The following CEP83 variants were observed in gnomAD, a reference collection of about 807,000 sequenced individuals.
The protein encoded by CEP83 is centrosomal protein 83, also known as centrosomal protein of 83 kDa.
Under a neutral mutation model 101.9 loss-of-function variants are expected in CEP83, and 70 were observed. The ratio of observed to expected loss-of-function variants is 0.69; its 90% CI spans 0.57 to 0.84. The LOEUF is 0.84. CEP83 is among the 40% of genes least tolerant of loss of function. The pLI, the probability that CEP83 is intolerant of heterozygous loss-of-function variation, is 0.00. For synonymous variants in CEP83, 264 were observed against 267.9 expected (o/e 0.99, Z 0.14); for missense variants, 715 against 787.2 (o/e 0.91, Z 1.10).
chr12:94,270,599 C>T, the CEP83 span, among the ~76,000 whole-genome samples: 1 of 152,136 alleles, frequency 6.6e-6, no homozygotes, highest in East Asian at 1.9e-4. Context: ...CCCCCACCCC[C>T]AACCCTGCAC....
At chr12:94,418,242 G>A (rs1017841303) in intron 2 of CEP83, among the ~76,000 whole-genome samples, 8 of 151,804 alleles carry the variant, frequency 5.3e-5, no homozygotes, top group Admixed American at 3.9e-4. Context: ...TGCGCCTGTA[G>A]TCCAGCTACT....
intron 11 of CEP83, among the ~76,000 whole-genome samples, chr12:94,352,774 G>A (rs767374448): frequency 6.6e-6 from 1 of 152,092 alleles, no homozygotes; most frequent in Non-Finnish European, 1.5e-5. Context: ...ATTAAGACAG[G>A]TCTTTTAAAA....
chr12:94,443,595 T>C (rs2066582226), intron 1 of CEP83, among the ~76,000 whole-genome samples: 1 of 151,984 alleles, frequency 6.6e-6, no homozygotes, highest in Admixed American at 6.6e-5. Flanking sequence ...CGGGTTCAAG[T>C]GATTCTCCTG....
chr12:94,396,280 CTTTTTTTTTT>C (rs776434390), intron 6 of CEP83, among the ~76,000 whole-genome samples: 9 of 90,944 alleles, frequency 9.9e-5, no homozygotes, highest in African/African-American at 3.2e-4. Flanking sequence ...AAAAGCATGA[CTTTTTTTTTT>C]TTTTTTTTTT....
In CEP83 at chr12:94,405,439, TG is replaced by T. The variant is rs748987389; in HGVS notation, c.325-2178del. 7.9e-5 allele frequency among the ~76,000 whole-genome samples: 12 copies of T among 152,094 alleles called. No individual in the cohort carries two copies. In the East Asian group the frequency reaches 9.6e-4, roughly 12 times the overall value. ...CATTGAGGAAAAAAGTGGAAGTGGG[TG>T]GGAGAAAGTAGTAGATAAAACAAGC... On this transcript the variant is annotated intron_variant, in intron 4 of 16. Coordinates refer to ENST00000397809, the MANE Select transcript of CEP83 (RefSeq NM_016122.3).
Position 94,331,911 on chromosome 12 carries a change from T to G in CEP83, c.1578-82A>C. The G allele has an allele frequency of 2.4e-6, 3 of 1,254,458 alleles. No homozygotes were observed. In the Admixed American group the frequency reaches 5.4e-5, roughly 23 times the overall value. The allele number at this position is 1,254,458 out of a possible 1,614,324, so 77.7% of individuals were successfully genotyped here. On this transcript the variant is annotated intron_variant, in intron 13 of 16. Coordinates refer to ENST00000397809, the MANE Select transcript of CEP83 (RefSeq NM_016122.3). ...GATATTATCACAAGTATAAGCAAACTCACTACCTGTCTGACCACATTCTTA... is the reference window on the plus strand; with the variant it reads ...GATATTATCACAAGTATAAGCAAACGCACTACCTGTCTGACCACATTCTTA...
In CEP83 at chr12:94,385,890, T is replaced by C. The variant is rs552345807; in HGVS notation, c.550-6848A>G. 6.6e-5 allele frequency among the ~76,000 whole-genome samples: 10 copies of C among 152,322 alleles called. No individual in the cohort carries two copies. In the East Asian group the frequency reaches 1.7e-3, roughly 26 times the overall value. ...TTTAAACCTTTTCTATGTTTAGATA[T>C]GTTTAGGTACACAAATATTAACCAT... On this transcript the variant is annotated intron_variant, in intron 6 of 16. Transcript: ENST00000397809.
chr12:94,453,962 T>C (rs1243295350), intron 1 of CEP83, among the ~76,000 whole-genome samples: 1 of 152,096 alleles, frequency 6.6e-6, no homozygotes, highest in African/African-American at 2.4e-5. Flanking sequence ...CTGGGCATGG[T>C]TGCATGTGCC....
At chr12:94,315,694 ATTTT>A (rs554045286) in intron 14 of CEP83, among the ~76,000 whole-genome samples, 2 of 144,824 alleles carry the variant, frequency 1.4e-5, no homozygotes, top group African/African-American at 5.0e-5. Flanking sequence ...TAGAAGCTTT[ATTTT>A]TTTTTTTTAC....
At chr12:94,423,883 C>T in intron 2 of CEP83, 1 of 1,612,230 alleles carries the variant, frequency 6.2e-7, no homozygotes, top group South Asian at 1.1e-5. Context: ...AAGCTCCTTG[C>T]ATAGCTGCAG....
chr12:94,412,835 C>A (rs1435078405), intron 2 of CEP83, among the ~76,000 whole-genome samples: 1 of 151,112 alleles, frequency 6.6e-6, no homozygotes, highest in Admixed American at 6.6e-5. Flanking sequence ...ATTACAGGCG[C>A]CTGCCACCAT....
chr12:94,337,208 C>G (rs2059486558), intron 11 of CEP83, among the ~76,000 whole-genome samples: 1 of 152,104 alleles, frequency 6.6e-6, no homozygotes, highest in African/African-American at 2.4e-5. Context: ...CATACAAAAG[C>G]TGAAGCCAAA....
chr12:94,370,365 A>G (rs1046368691), intron 8 of CEP83, among the ~76,000 whole-genome samples: 4 of 152,218 alleles, frequency 2.6e-5, no homozygotes. Flanking sequence ...AAACCCTGAA[A>G]CTTTTAAAAT....
At chr12:94,376,376 G>C (rs2061535353) in intron 7 of CEP83, among the ~76,000 whole-genome samples, 1 of 151,894 alleles carries the variant, frequency 6.6e-6, no homozygotes, top group Non-Finnish European at 1.5e-5. Context: ...TAACAGATAA[G>C]AAAAAGCATA....
In CEP83 at chr12:94,411,714, C is replaced by T. The variant is rs1250831217; in HGVS notation, c.307G>A (p.Glu103Lys). ...GELVEKTKDL[E>K]EMKLQILTPQ... is the part of the protein sequence containing the mutation. ...TTTCTCACCTGCAGTTTCATTTCTT[C>T]TAAATCTTTAGTTTTCTCTACTAAT... is the stretch of plus-strand genomic sequence containing the variant. The change falls in exon 4 of 17, where the codon GAA becomes AAA. Residue 103 changes from glutamate (E) to lysine (K), a missense_variant. Transcript: ENST00000397809. The T allele has an allele frequency of 1.9e-6, 3 of 1,602,332 alleles. No individual in the cohort carries two copies. Among genetic ancestry groups the T allele is most frequent in the East Asian group, 2.2e-5 (1 of 44,708 alleles).
intron 2 of CEP83, among the ~76,000 whole-genome samples, chr12:94,433,681 CAA>C (rs1049763779): frequency 4.1e-5 from 5 of 123,122 alleles, no homozygotes; most frequent in Admixed American, 8.3e-5. Context: ...GACCCTGTCT[CAA>C]AAAAAAAAAA....
chr12:94,272,289 T>A, the CEP83 span: 1 of 152,322 alleles, frequency 6.6e-6, no homozygotes, highest in East Asian at 1.9e-4. Flanking sequence ...GCAGGGCTGG[T>A]AGAGCAGCTG....
chr12:94,439,987 C>T (rs1168705005), intron 1 of CEP83, among the ~76,000 whole-genome samples: 1 of 152,094 alleles, frequency 6.6e-6, no homozygotes. Context: ...AATTCAGATC[C>T]CTTTATGATT....
intron 6 of CEP83, among the ~76,000 whole-genome samples, chr12:94,395,368 TTAAA>T (rs1043196582): frequency 5.3e-5 from 7 of 133,186 alleles, no homozygotes; most frequent in Non-Finnish European, 1.0e-4. Context: ...AAGTAACAAA[TTAAA>T]AAAAAAAATA....
Sources: allele counts gnomAD v4.1 joint callset (sites outside exome capture counted in the v4.1 genomes callset), GRCh38; gene constraint gnomAD v4.1.1; transcripts MANE v1.5; gene names NCBI Gene and HGNC (gene_info 2026-07-23, HGNC 2026-07-21).